EML4: variants seen among roughly 807,000 people sequenced by gnomAD.
EML4 encodes the protein echinoderm microtubule-associated protein-like 4.
A neutral mutation model predicts 129.0 loss-of-function variants in EML4; 72 were observed. The observed-to-expected ratio is 0.56, with a 90% CI of 0.46 to 0.68. EML4 has a LOEUF of 0.68. Ranked by LOEUF, EML4 falls within the 30% of genes least tolerant of loss-of-function variation. The pLI is 0.00. For synonymous variants in EML4, 532 were observed against 405.0 expected, an observed-to-expected ratio of 1.31 and a Z score of -3.77; for missense variants, 1,363 against 1,190.6, an observed-to-expected ratio of 1.14 and a Z score of -2.13.
In EML4 at chr2:42,201,192, C is replaced by T. The variant is rs184604951; in HGVS notation, c.25+31556C>T. 5.9e-5 allele frequency among the ~76,000 whole-genome samples: 9 copies of T among 152,316 alleles called. No individual in the cohort carries two copies. The East Asian group carries it at 1.7e-3, about 29-fold the overall frequency. ...ACTCTGAAAGCATTACCATCAAAAT[C>T]TAGCTATTAAGTAAATATATAAAAC... On this transcript the variant is annotated intron_variant, in intron 1 of 22. Coordinates refer to ENST00000318522, the MANE Select transcript of EML4 (RefSeq NM_019063.5).
chr2:42,258,791 C>T (rs1362804570), intron 3 of EML4, among the ~76,000 whole-genome samples: 1 of 152,150 alleles, frequency 6.6e-6, no homozygotes, highest in Non-Finnish European at 1.5e-5. Flanking sequence ...ATCAGAAGTG[C>T]ATCAGGTTAA....
chr2:42,221,190 T>C (rs1054923106), intron 1 of EML4, among the ~76,000 whole-genome samples: 11 of 152,010 alleles, frequency 7.2e-5, no homozygotes, highest in African/African-American at 2.7e-4. Flanking sequence ...CCCAGTACTT[T>C]CATAGCTAGA....
chr2:42,278,072 A>G (rs1666757054), intron 6 of EML4, among the ~76,000 whole-genome samples: 2 of 152,096 alleles, frequency 1.3e-5, no homozygotes, highest in South Asian at 2.1e-4. Context: ...TTCTAATGCT[A>G]TTTTCATATC....
intron 11 of EML4, 55 bp from the exon 12 acceptor site, chr2:42,295,070 A>G (rs1380632016): frequency 1.7e-5 from 25 of 1,449,372 alleles, no homozygotes; most frequent in Non-Finnish European, 2.1e-5. Context: ...TTGAATTGAT[A>G]CTTGAAGGAG....
intron 21 of EML4, among the ~76,000 whole-genome samples, chr2:42,327,996 G>C (rs1472168723): frequency 6.6e-6 from 1 of 152,140 alleles, no homozygotes; most frequent in Non-Finnish European, 1.5e-5. Flanking sequence ...AATAGGCCAG[G>C]AAGGAATTAA....
intron 16 of EML4, among the ~76,000 whole-genome samples, chr2:42,304,260 A>G (rs527500819): frequency 1.3e-5 from 2 of 152,196 alleles, no homozygotes; most frequent in African/African-American, 4.8e-5. Context: ...TCCACTCCCT[A>G]GCCACAAGCT....
intron 11 of EML4, among the ~76,000 whole-genome samples, chr2:42,290,544 A>G (rs576657509): frequency 7.8e-4 from 118 of 151,470 alleles, no homozygotes; most frequent in Non-Finnish European, 1.3e-3. Context: ...CTGGGCAAAC[A>G]TAATGAGACC....
At chr2:42,281,711 A>T (rs965205514) in intron 7 of EML4, among the ~76,000 whole-genome samples, 3 of 152,250 alleles carry the variant, frequency 2.0e-5, no homozygotes, top group Non-Finnish European at 4.4e-5. Context: ...AACAAGGCTG[A>T]TTCTAATTCA....
intron 11 of EML4, chr2:42,289,739 A>C (rs1457416596): frequency 1.3e-5 from 2 of 151,884 alleles, no homozygotes; most frequent in East Asian, 1.9e-4. Flanking sequence ...GCATTATAGC[A>C]CTTTCTAGTA....
At chr2:42,249,954 CA>C (rs1431351038) in intron 2 of EML4, among the ~76,000 whole-genome samples, 1 of 152,082 alleles carries the variant, frequency 6.6e-6, no homozygotes, top group East Asian at 1.9e-4. Context: ...TACTTCGGAG[CA>C]AAAGGGAAGG....
Position 42,261,225 on chromosome 2 carries a change from A to C in EML4, c.443A>C (p.Gln148Pro). The change falls in exon 4 of 23, where the codon CAG becomes CCG. Residue 148 changes from glutamine (Q) to proline (P), a missense_variant. Coordinates refer to ENST00000318522, the MANE Select transcript of EML4 (RefSeq NM_019063.5). ...SPQIRASPSP[Q>P]PSSQPLQIHR... ...CAAATTCGAGCATCACCTTCTCCCC[A>C]GCCCTCTTCACAACCTCTCCAAATA... is the stretch of plus-strand genomic sequence containing the variant. 1 of 1,614,092 alleles carries C rather than the reference A, an allele frequency of 6.2e-7. No homozygotes were observed. The highest frequency in any genetic ancestry group is 8.5e-7 in the Non-Finnish European group (1 of 1,179,976).
At chr2:42,184,696 T>A (rs1671145455) in intron 1 of EML4, among the ~76,000 whole-genome samples, 1 of 152,236 alleles carries the variant, frequency 6.6e-6, no homozygotes, top group African/African-American at 2.4e-5. Context: ...TCTCTTCTTT[T>A]GACCACTTTA....
At chr2:42,272,390 A>T (rs1666421009) in intron 6 of EML4, among the ~76,000 whole-genome samples, 1 of 152,232 alleles carries the variant, frequency 6.6e-6, no homozygotes, top group African/African-American at 2.4e-5. Flanking sequence ...TAATGTTTCT[A>T]AAAATATATT....
intron 1 of EML4, among the ~76,000 whole-genome samples, chr2:42,178,459 G>A (rs1256069105): frequency 4.6e-5 from 7 of 151,880 alleles, no homozygotes; most frequent in Non-Finnish European, 7.4e-5. Flanking sequence ...TGAGAGGATC[G>A]CTTGAGCCCA....
chr2:42,182,161 T>C (rs920222586), intron 1 of EML4, among the ~76,000 whole-genome samples: 118 of 151,150 alleles, frequency 7.8e-4, no homozygotes, highest in African/African-American at 2.2e-3. Flanking sequence ...AATTCTTCTT[T>C]TTTTTTTTTA....
intron 1 of EML4, among the ~76,000 whole-genome samples, chr2:42,178,552 AT>A (rs1670750278): frequency 6.6e-6 from 1 of 152,196 alleles, no homozygotes; most frequent in Non-Finnish European, 1.5e-5. Flanking sequence ...CCTGTCTCAA[AT>A]AAGAAAGAGG....
At chr2:42,172,804 C>T (rs1670355580) in intron 1 of EML4, among the ~76,000 whole-genome samples, 1 of 152,148 alleles carries the variant, frequency 6.6e-6, no homozygotes, top group South Asian at 2.1e-4. Context: ...GCTATTCATA[C>T]AGCTTTTACC....
intron 1 of EML4, among the ~76,000 whole-genome samples, chr2:42,171,710 C>T (rs960202531): frequency 2.0e-5 from 3 of 152,062 alleles, no homozygotes; most frequent in Non-Finnish European, 4.4e-5. Context: ...ATCAGAGGAA[C>T]CTGCATCTGC....
chr2:42,284,707 A>G lies in EML4; in HGVS notation c.1011+4A>G. 6.2e-7 allele frequency: 1 copy of G among 1,610,646 alleles called. No homozygotes were observed. The highest frequency in any genetic ancestry group is 8.5e-7 in the Non-Finnish European group (1 of 1,177,790). Reference sequence around the variant, plus strand: ...TGGCGTGGATAAAGATGGAAGGGTGAGTGGCATAGTGTTATGCCTTCTGTA... The same window carrying G: ...TGGCGTGGATAAAGATGGAAGGGTGGGTGGCATAGTGTTATGCCTTCTGTA... On this transcript the variant is annotated splice_donor_region_variant and intron_variant, in intron 9 of 22. Transcript: ENST00000318522.
Sources: gnomAD v4.1 joint callset for allele counts (sites outside exome capture counted in the v4.1 genomes callset) on GRCh38, gnomAD v4.1.1 for gene constraint, MANE v1.5 for transcripts, NCBI Gene and HGNC (gene_info 2026-07-23, HGNC 2026-07-21) for gene names.